Variants in MAD1L1 observed in about 807,000 individuals in gnomAD.
MAD1L1 encodes the protein mitotic spindle assembly checkpoint protein MAD1.
Under a neutral mutation model 96.9 loss-of-function variants are expected in MAD1L1, and 95 were observed. The ratio of observed to expected loss-of-function variants is 0.98; its 90% CI spans 0.83 to 1.16. MAD1L1 has a LOEUF of 1.16. Among genes scored for constraint, MAD1L1 ranks in the 50% most tolerant of loss-of-function variants. The probability of loss-of-function intolerance (pLI) is 0.00; values close to 1 mark genes in which losing one functional copy is unlikely to be tolerated. For missense variants in MAD1L1, 1,007 were observed against 954.4 expected (o/e 1.06, Z -0.73); for synonymous variants, 473 against 396.6 (o/e 1.19, Z -2.29).
intron 18 of MAD1L1, among the ~76,000 whole-genome samples, chr7:1,868,383 G>A (rs553344275): frequency 2.1e-4 from 32 of 152,280 alleles, no homozygotes; most frequent in Admixed American, 2.0e-3. Context: ...CACACACCAC[G>A]CTTCCCGGGC....
At chr7:1,989,648 C>A (rs1362925111) in intron 14 of MAD1L1, among the ~76,000 whole-genome samples, 3 of 151,848 alleles carry the variant, frequency 2.0e-5, no homozygotes. Context: ...TCAGCGTGGA[C>A]CAGCCCCAGC....
chr7:2,047,927 GA>G (rs1181621240), intron 12 of MAD1L1, among the ~76,000 whole-genome samples: 3 of 152,034 alleles, frequency 2.0e-5, no homozygotes, highest in Non-Finnish European at 4.4e-5. Context: ...AGTTCACACA[GA>G]TGTGCATGCA....
intron 18 of MAD1L1, among the ~76,000 whole-genome samples, chr7:1,895,053 C>A (rs573893361): frequency 6.6e-6 from 1 of 152,122 alleles, no homozygotes; most frequent in Non-Finnish European, 1.5e-5. Flanking sequence ...GGGAAGCCAG[C>A]GGAAGAAGGG....
At chr7:1,942,467 G>A (rs1485835781) in intron 16 of MAD1L1, among the ~76,000 whole-genome samples, 1 of 152,242 alleles carries the variant, frequency 6.6e-6, no homozygotes. Flanking sequence ...AGCAGGTGCT[G>A]GAAGTGCAGG....
intron 18 of MAD1L1, among the ~76,000 whole-genome samples, chr7:1,836,539 T>C (rs926495950): frequency 1.2e-4 from 19 of 152,324 alleles, no homozygotes; most frequent in African/African-American, 4.6e-4. Flanking sequence ...TCACTCTGGT[T>C]CAAATGCCTC....
intron 4 of MAD1L1, among the ~76,000 whole-genome samples, chr7:2,224,533 C>A (rs1263488314): frequency 1.3e-5 from 2 of 152,214 alleles, no homozygotes; most frequent in Non-Finnish European, 1.5e-5. Context: ...AGCAATCCAA[C>A]CAGCATCACA....
intron 6 of MAD1L1, among the ~76,000 whole-genome samples, 172 bp from the exon 7 acceptor site, chr7:2,218,215 C>T (rs752908339): frequency 3.3e-5 from 5 of 152,124 alleles, no homozygotes; most frequent in Admixed American, 6.5e-5. Context: ...CACTCCACTG[C>T]ATGGGTACCC....
intron 11 of MAD1L1, among the ~76,000 whole-genome samples, chr7:2,080,770 T>C (rs1304630919): frequency 2.6e-5 from 4 of 152,106 alleles, no homozygotes; most frequent in Admixed American, 1.3e-4. Context: ...ATGCGTGTGG[T>C]TGGGCAAAGG....
Position 2,146,135 on chromosome 7 carries a change from C to A in MAD1L1, c.1073+3017G>T, listed in dbSNP as rs1429018549. 6.6e-6 allele frequency among the ~76,000 whole-genome samples: 1 copy of A among 152,228 alleles called. No individual in the cohort carries two copies. Among genetic ancestry groups the A allele is most frequent in the Non-Finnish European group, 1.5e-5 (1 of 68,038 alleles). On this transcript the variant is annotated intron_variant, in intron 11 of 18. Transcript: ENST00000265854. This position sits in a 1 kb window ranked among gnomAD's most constrained non-coding sequence, Gnocchi z 6.2. ...AAAGCCAAGCTCCTGAAAACAGGCA[C>A]ACGAATGACCCAGCCGTCACTTCAG...
intron 11 of MAD1L1, among the ~76,000 whole-genome samples, chr7:2,097,741 G>A (rs1457319478): frequency 1.3e-5 from 2 of 152,228 alleles, no homozygotes; most frequent in Non-Finnish European, 2.9e-5. Context: ...GGGCTGCCCG[G>A]ACCAGCAGGG....
chr7:2,057,307 C>T (rs1784423943), intron 12 of MAD1L1, among the ~76,000 whole-genome samples: 1 of 152,240 alleles, frequency 6.6e-6, no homozygotes, highest in African/African-American at 2.4e-5. Flanking sequence ...GGGCAGATCA[C>T]TTGACGTGAG....
chr7:2,002,426 G>A (rs930949991), intron 13 of MAD1L1, among the ~76,000 whole-genome samples: 1 of 152,264 alleles, frequency 6.6e-6, no homozygotes, highest in Non-Finnish European at 1.5e-5. Flanking sequence ...GGGGTGGACA[G>A]GGGTGGGCCC....
chr7:2,215,103 G>A (rs1219774610), intron 9 of MAD1L1, among the ~76,000 whole-genome samples: 1 of 152,148 alleles, frequency 6.6e-6, no homozygotes, highest in African/African-American at 2.4e-5. Context: ...GCCTGGCCGG[G>A]CATGGTGGCT....
intron 11 of MAD1L1, among the ~76,000 whole-genome samples, chr7:2,090,409 C>T (rs191688363): frequency 3.3e-5 from 5 of 152,292 alleles, no homozygotes; most frequent in Non-Finnish European, 5.9e-5. Context: ...GATTTTGGAA[C>T]GACTAGGTGT....
chr7:1,819,301 C>T (rs966530008), intron 18 of MAD1L1, among the ~76,000 whole-genome samples: 15 of 152,330 alleles, frequency 9.8e-5, no homozygotes, highest in Admixed American at 9.8e-4. Context: ...GCTTCCTCTC[C>T]CTCTGCCTGG....
intron 17 of MAD1L1, among the ~76,000 whole-genome samples, chr7:1,923,736 C>A (rs1788936315): frequency 6.6e-6 from 1 of 152,230 alleles, no homozygotes; most frequent in African/African-American, 2.4e-5. Flanking sequence ...GAAGGGAACC[C>A]TGGGTCACCT....
intron 11 of MAD1L1, among the ~76,000 whole-genome samples, chr7:2,076,915 C>T (rs911237195): frequency 2.0e-5 from 3 of 150,530 alleles, no homozygotes; most frequent in African/African-American, 7.4e-5. Flanking sequence ...AGTGAGCCCA[C>T]AGCATGGTCA....
chr7:2,026,121 G>C lies in MAD1L1; in HGVS notation c.1219-11479C>G, dbSNP rs373524437. ...AATTTAACAATGCTCAAAATGAAAA[G>C]TGAAAAAGTAAAAGGTGCCAATGCT... On this transcript the variant is annotated intron_variant, in intron 12 of 18. Coordinates refer to ENST00000265854, the MANE Select transcript of MAD1L1 (RefSeq NM_001013836.2). 9.2e-5 allele frequency among the ~76,000 whole-genome samples: 14 copies of C among 152,236 alleles called. 1 individual carries two copies. The highest frequency in any genetic ancestry group is 3.1e-4 in the African/African-American group (13 of 41,556).
chr7:2,091,504 G>A (rs544834522), intron 11 of MAD1L1, among the ~76,000 whole-genome samples: 8 of 152,340 alleles, frequency 5.3e-5, no homozygotes, highest in South Asian at 2.1e-4. Context: ...GGCCGGACAC[G>A]GTAGCTCACG....
Sources: allele counts gnomAD v4.1 joint callset (sites outside exome capture counted in the v4.1 genomes callset), GRCh38; gene constraint gnomAD v4.1.1; non-coding constraint Gnocchi (gnomAD v3.1); transcripts MANE v1.5; gene names NCBI Gene and HGNC (gene_info 2026-07-23, HGNC 2026-07-21).